The following TRMT11 variants were observed in gnomAD, a reference collection of about 807,000 sequenced individuals.
TRMT11 encodes the protein tRNA methyltransferase 11, also known as tRNA (guanine(10)-N(2))-methyltransferase TRMT11.
TRMT11 carries 53 observed loss-of-function variants against 62.8 expected under a neutral mutation model. The observed-to-expected ratio is 0.84, with a 90% CI of 0.68 to 1.06. TRMT11 has a LOEUF of 1.06. Among genes scored for constraint, TRMT11 ranks in the 50% least tolerant of loss-of-function variants. The pLI is 0.00. For synonymous variants in TRMT11, 188 were observed against 190.3 expected (o/e 0.99, Z 0.10); for missense variants, 556 against 553.4 (o/e 1.00, Z -0.05).
intron 17 of TRMT11, among the ~76,000 whole-genome samples, chr6:126,056,478 A>T (rs1378267831): frequency 3.3e-5 from 5 of 152,202 alleles, no homozygotes; most frequent in Non-Finnish European, 7.3e-5. Context: ...CCTAGCCAGA[A>T]GCGGTAGCCT....
the TRMT11 span, among the ~76,000 whole-genome samples, chr6:126,239,899 G>A: frequency 3.3e-4 from 50 of 152,216 alleles, no homozygotes; most frequent in African/African-American, 1.2e-3. Flanking sequence ...TGGAGGATTT[G>A]TTCATTTCTT....
chr6:126,175,929 T>G (rs1778380269), upstream of TRMT11, among the ~76,000 whole-genome samples: 1 of 152,220 alleles, frequency 6.6e-6, no homozygotes, highest in Admixed American at 6.5e-5. Context: ...CTGCTGCTCA[T>G]CAGAAAGACA....
At chr6:126,008,121 T>C (rs1252170917) in intron 7 of TRMT11, among the ~76,000 whole-genome samples, 3 of 151,956 alleles carry the variant, frequency 2.0e-5, no homozygotes, top group Non-Finnish European at 2.9e-5. Flanking sequence ...TGTCTAAATA[T>C]ACATTATTTT....
chr6:126,183,136 T>C (rs536223012), intron 1 of TRMT11, among the ~76,000 whole-genome samples: 5 of 152,234 alleles, frequency 3.3e-5, no homozygotes, highest in South Asian at 2.1e-4. Context: ...ATTTTGAAAA[T>C]AGAATTAAAA....
chr6:126,207,585 G>A (rs1476570450), downstream of TRMT11, among the ~76,000 whole-genome samples: 1 of 152,160 alleles, frequency 6.6e-6, no homozygotes, highest in African/African-American at 2.4e-5. Flanking sequence ...AACTGAAAGA[G>A]GCCTATTAAA....
At chr6:126,028,049 T>G (rs1773517440) in intron 12 of TRMT11, among the ~76,000 whole-genome samples, 2 of 152,168 alleles carry the variant, frequency 1.3e-5, no homozygotes, top group Non-Finnish European at 2.9e-5. Context: ...CTGATGCCTA[T>G]TTCCATTAGA....
At chr6:126,050,474 C>T (rs760746308) in intron 16 of TRMT11, among the ~76,000 whole-genome samples, 1 of 151,884 alleles carries the variant, frequency 6.6e-6, no homozygotes, top group Non-Finnish European at 1.5e-5. Flanking sequence ...AGGCTGAGGC[C>T]GGAGGATCAC....
chr6:126,231,365 GA>G, the TRMT11 span, among the ~76,000 whole-genome samples: 1 of 151,888 alleles, frequency 6.6e-6, no homozygotes, highest in African/African-American at 2.4e-5. Flanking sequence ...GTGATAATTT[GA>G]AAAAAACTTG....
chr6:126,008,580 C>G (rs1583690267), intron 8 of TRMT11, 108 bp downstream of exon 8: 2 of 920,502 alleles, frequency 2.2e-6, no homozygotes, highest in East Asian at 4.8e-5. Context: ...CACAGGTCCA[C>G]TTATACTCAG....
At chr6:126,199,808 A>G (rs1408169326) in exon 3 of TRMT11, 3 of 152,222 alleles carry the variant, frequency 2.0e-5, no homozygotes, top group African/African-American at 7.2e-5. Context: ...AGATTCTAAG[A>G]TAGAATTTTG....
intron 21 of TRMT11, among the ~76,000 whole-genome samples, chr6:126,150,900 T>C (rs1778031209): frequency 6.6e-6 from 1 of 152,214 alleles, no homozygotes; most frequent in South Asian, 2.1e-4. Flanking sequence ...ATTTTTCACG[T>C]CAGCTTCCTT....
chr6:126,202,463 T>C (rs1778743218), downstream of TRMT11, among the ~76,000 whole-genome samples: 1 of 152,210 alleles, frequency 6.6e-6, no homozygotes, highest in African/African-American at 2.4e-5. Context: ...TCTTTCTACT[T>C]CTTTTCCCCC....
the TRMT11 span, among the ~76,000 whole-genome samples, chr6:126,230,681 G>T: frequency 6.6e-6 from 1 of 152,098 alleles, no homozygotes; most frequent in Non-Finnish European, 1.5e-5. Context: ...TTACTAGGAG[G>T]AGAAGATATT....
chr6:126,182,773 CTGAGCTGAGAATGACTTTGCCCAGGAAA>C (rs1374977304), intron 1 of TRMT11, among the ~76,000 whole-genome samples: 1 of 152,108 alleles, frequency 6.6e-6, no homozygotes, highest in Non-Finnish European at 1.5e-5. Flanking sequence ...TGGGGATTTC[CTGAGCTGAGAATGACTTTGCCCAGGAAA>C]TAATGAATTG....
downstream of TRMT11, among the ~76,000 whole-genome samples, chr6:126,203,180 T>A (rs1778756043): frequency 6.6e-6 from 1 of 152,214 alleles, no homozygotes; most frequent in Admixed American, 6.5e-5. Flanking sequence ...GAAGGCCCCA[T>A]GTTTTGTTTA....
intron 1 of TRMT11, among the ~76,000 whole-genome samples, chr6:125,991,560 G>T (rs1186878268): frequency 6.6e-6 from 1 of 152,058 alleles, no homozygotes; most frequent in African/African-American, 2.4e-5. Flanking sequence ...CTTTGCCTCG[G>T]CCTCCCAAAG....
chr6:126,093,585 G>GTATATATTTA, intron 17 of TRMT11, among the ~76,000 whole-genome samples: 1 of 46,666 alleles, frequency 2.1e-5, no homozygotes, highest in Non-Finnish European at 3.8e-5. Context: ...GGATATGTAT[G>GTATATATTTA]TATATATATA....
rs185889468 is a variant in TRMT11, at chr6:126,148,879, A to G, written c.*1824-25946A>G. Among the ~76,000 whole-genome samples, 352 of 152,356 alleles carry G rather than the reference A, an allele frequency of 2.3e-3. 3 individuals are homozygous for G. The highest frequency in any genetic ancestry group is 7.9e-3 in the African/African-American group (329 of 41,576). Reference sequence around the variant, plus strand: ...TAGCTATTATTATAATTGTCATAAGACTTGATTCAGTTAACTTTTGTAAGA... The same window carrying G: ...TAGCTATTATTATAATTGTCATAAGGCTTGATTCAGTTAACTTTTGTAAGA... On this transcript the variant is annotated intron_variant and NMD_transcript_variant, in intron 21 of 22. Transcript: ENST00000648977.
Position 126,021,397 on chromosome 6 carries a change from A to G in TRMT11, c.1260+117A>G, listed in dbSNP as rs144740949. ...TATTCCTTGATATTTTAAAAATTAC[A>G]GATCAATTTAGGAAGAGGCAGAAGT... On this transcript the variant is annotated intron_variant, in intron 12 of 12. Coordinates refer to ENST00000334379, the MANE Select transcript of TRMT11 (RefSeq NM_001031712.3). 6.7e-5 allele frequency: 84 copies of G among 1,253,488 alleles called. No individual in the cohort carries two copies. In the African/African-American group the frequency reaches 1.1e-3, roughly 16 times the overall value. 77.6% of individuals were successfully genotyped at this position (1,253,488 alleles called of 1,614,324 possible). A position where few individuals can be genotyped will look rare whatever the true frequency, so the allele number is the denominator to read the frequency against.
Sources: allele counts gnomAD v4.1 joint callset (sites outside exome capture counted in the v4.1 genomes callset), GRCh38; gene constraint gnomAD v4.1.1; transcripts MANE v1.5; gene names NCBI Gene and HGNC (gene_info 2026-07-23, HGNC 2026-07-21).